Variants in ALCAM observed in about 807,000 individuals in gnomAD.
The protein encoded by ALCAM is activated leukocyte cell adhesion molecule.
In ALCAM, 30 loss-of-function variants were observed where a neutral mutation model predicts 70.9. The ratio of observed to expected loss-of-function variants is 0.42; its 90% CI spans 0.32 to 0.57. The LOEUF is 0.57. Ranked by LOEUF, ALCAM falls within the 20% of genes least tolerant of loss-of-function variation. ALCAM has a pLI of 0.11. For synonymous variants in ALCAM, 249 were observed against 242.5 expected, an observed-to-expected ratio of 1.03 and a Z score of -0.25; for missense variants, 591 against 695.1, an observed-to-expected ratio of 0.85 and a Z score of 1.68.
chr3:105,530,673 G>A (rs1280680426), intron 3 of ALCAM, among the ~76,000 whole-genome samples: 1 of 151,972 alleles, frequency 6.6e-6, no homozygotes, highest in East Asian at 1.9e-4. Context: ...TAATAGTTAA[G>A]TAGGCCCTCT....
chr3:105,541,016 G>A (rs1940101838), intron 7 of ALCAM, among the ~76,000 whole-genome samples: 1 of 151,890 alleles, frequency 6.6e-6, no homozygotes, highest in Admixed American at 6.6e-5. Context: ...CCAAATTTGT[G>A]TCTCAGTTTT....
intron 14 of ALCAM, among the ~76,000 whole-genome samples, chr3:105,565,758 C>A (rs774747253): frequency 6.6e-6 from 1 of 152,102 alleles, no homozygotes; most frequent in Non-Finnish European, 1.5e-5. Context: ...TTTTTTGGAG[C>A]TTGGTTTTAA....
chr3:105,405,949 G>T (rs1176349379), intron 1 of ALCAM, among the ~76,000 whole-genome samples: 1 of 146,374 alleles, frequency 6.8e-6, no homozygotes, highest in African/African-American at 2.4e-5. Flanking sequence ...TGGGGAGGAA[G>T]AGAGTTTTTA....
intron 1 of ALCAM, among the ~76,000 whole-genome samples, chr3:105,505,937 T>A (rs1939062681): frequency 6.6e-6 from 1 of 152,126 alleles, no homozygotes; most frequent in Non-Finnish European, 1.5e-5. Context: ...AAATAGAAAA[T>A]TTCCATAACT....
chr3:105,456,791 A>C (rs1274783275), intron 1 of ALCAM, among the ~76,000 whole-genome samples: 1 of 152,120 alleles, frequency 6.6e-6, no homozygotes, highest in African/African-American at 2.4e-5. Context: ...AATGCATAAG[A>C]GCTTCTGCGT....
At chr3:105,495,896 C>T (rs915629602) in intron 1 of ALCAM, among the ~76,000 whole-genome samples, 12 of 152,148 alleles carry the variant, frequency 7.9e-5, no homozygotes, top group Admixed American at 7.2e-4. Flanking sequence ...TTCTGCTTTC[C>T]CTCTCTTGTT....
At chr3:105,414,521 T>G (rs1335695270) in intron 1 of ALCAM, among the ~76,000 whole-genome samples, 1 of 152,114 alleles carries the variant, frequency 6.6e-6, no homozygotes, top group Non-Finnish European at 1.5e-5. Context: ...CGCCTCCTTA[T>G]GCAAGTGACC....
chr3:105,470,902 A>G (rs1302278827), intron 1 of ALCAM, among the ~76,000 whole-genome samples: 1 of 151,310 alleles, frequency 6.6e-6, no homozygotes, highest in Non-Finnish European at 1.5e-5. Context: ...GGTTTACTTT[A>G]AATTCATGAG....
chr3:105,537,651 A>G (rs1171247686), intron 6 of ALCAM, among the ~76,000 whole-genome samples: 1 of 152,066 alleles, frequency 6.6e-6, no homozygotes, highest in Non-Finnish European at 1.5e-5. Context: ...ATACCCATTT[A>G]TGTGTCAAAA....
Position 105,412,304 on chromosome 3 carries a change from A to G in ALCAM, c.73+44823A>G, listed in dbSNP as rs959022577. Among the ~76,000 whole-genome samples, 12 of 152,124 alleles carry G rather than the reference A, an allele frequency of 7.9e-5. 1 individual carries two copies. On this transcript the variant is annotated intron_variant, in intron 1 of 15. Transcript: ENST00000306107. ...TGGTGAAACAAAGAACATCAAGGTC[A>G]AAAAGAATTAGAAACAAATGTGCTT...
chr3:105,408,201 GAA>G (rs34040803), intron 1 of ALCAM, among the ~76,000 whole-genome samples: 6 of 150,208 alleles, frequency 4.0e-5, no homozygotes, highest in Admixed American at 6.6e-5. Context: ...CACAGAACTA[GAA>G]AAAAAAAACT....
intron 1 of ALCAM, among the ~76,000 whole-genome samples, chr3:105,454,214 A>G (rs1042580051): frequency 3.9e-5 from 6 of 152,248 alleles, no homozygotes; most frequent in African/African-American, 1.4e-4. Flanking sequence ...TAATACTGTT[A>G]CCAAATGATA....
At chr3:105,397,180 C>T (rs1935976376) in intron 1 of ALCAM, among the ~76,000 whole-genome samples, 1 of 151,960 alleles carries the variant, frequency 6.6e-6, no homozygotes, top group South Asian at 2.1e-4. Flanking sequence ...ATAAATTTTT[C>T]TCTTGGCATT....
intron 1 of ALCAM, among the ~76,000 whole-genome samples, chr3:105,450,092 TTAATAATAGTTC>T (rs1937391714): frequency 6.6e-6 from 1 of 152,186 alleles, no homozygotes; most frequent in African/African-American, 2.4e-5. Context: ...CATAATGTTA[TTAATAATAGTTC>T]TAATAATAGT....
intron 1 of ALCAM, among the ~76,000 whole-genome samples, chr3:105,476,851 C>A (rs1055697065): frequency 6.6e-6 from 1 of 152,034 alleles, no homozygotes; most frequent in African/African-American, 2.4e-5. Flanking sequence ...CAAATCTCAA[C>A]TCCAGTTGTA....
chr3:105,439,925 GA>G (rs1937135235), intron 1 of ALCAM, among the ~76,000 whole-genome samples: 1 of 152,192 alleles, frequency 6.6e-6, no homozygotes, highest in Non-Finnish European at 1.5e-5. Flanking sequence ...AACATAAGAG[GA>G]AAAGTGTGCT....
At chr3:105,542,165 C>G (rs377241601) in intron 8 of ALCAM, among the ~76,000 whole-genome samples, 1 of 151,752 alleles carries the variant, frequency 6.6e-6, no homozygotes, top group Non-Finnish European at 1.5e-5. Context: ...ATTTAACACC[C>G]AAACTCAGAC....
chr3:105,452,799 T>G (rs1937465770), intron 1 of ALCAM, among the ~76,000 whole-genome samples: 1 of 152,262 alleles, frequency 6.6e-6, no homozygotes, highest in Admixed American at 6.5e-5. Context: ...ACTGTGGTTT[T>G]GATTTGCATT....
At chr3:105,560,165 C>G (rs903894090) in intron 14 of ALCAM, among the ~76,000 whole-genome samples, 3 of 152,138 alleles carry the variant, frequency 2.0e-5, no homozygotes, top group Admixed American at 2.0e-4. Context: ...CCACCAGTCG[C>G]ATATGAGAGT....
Sources: allele counts gnomAD v4.1 joint callset (sites outside exome capture counted in the v4.1 genomes callset), GRCh38; gene constraint gnomAD v4.1.1; transcripts MANE v1.5; gene names NCBI Gene and HGNC (gene_info 2026-07-23, HGNC 2026-07-21).